Variants in ANK2 observed in about 807,000 individuals in gnomAD.
The protein encoded by ANK2 is ankyrin-2.
Under a neutral mutation model 360.5 loss-of-function variants are expected in ANK2, and 83 were observed. That is an observed-to-expected ratio of 0.23 (90% CI 0.19 to 0.28). The LOEUF (loss-of-function observed/expected upper bound fraction) is 0.28, where lower values mean the gene tolerates loss of function less well. Ranked by LOEUF, ANK2 falls within the 10% of genes least tolerant of loss-of-function variation. The pLI, the probability that ANK2 is intolerant of heterozygous loss-of-function variation, is 1.00. For missense variants in ANK2, 4,201 were observed against 4,795.7 expected (o/e 0.88, Z 3.66); for synonymous variants, 1,740 against 1,759.5 (o/e 0.99, Z 0.28).
chr4:113,291,145 G>A (rs2067338891), intron 20 of ANK2, among the ~76,000 whole-genome samples: 1 of 152,192 alleles, frequency 6.6e-6, no homozygotes, highest in African/African-American at 2.4e-5. Context: ...AGCACATAGT[G>A]TGTGATTAGT....
intron 11 of ANK2, 65 bp downstream of exon 11, chr4:113,255,997 C>T: frequency 1.3e-6 from 2 of 1,541,110 alleles, no homozygotes; most frequent in South Asian, 1.1e-5. Flanking sequence ...CATTCATTGA[C>T]CAACATGCAT....
At chr4:113,004,934 A>G (rs1031196030) in intron 2 of ANK2, among the ~76,000 whole-genome samples, 3 of 152,194 alleles carry the variant, frequency 2.0e-5, no homozygotes, top group Non-Finnish European at 4.4e-5. Flanking sequence ...GTGGCGCATG[A>G]CTGTATTTTA....
chr4:113,377,934 A>G (rs541743379), intron 45 of ANK2, among the ~76,000 whole-genome samples: 4 of 152,378 alleles, frequency 2.6e-5, no homozygotes, highest in South Asian at 4.1e-4. Context: ...GACTTGTTAA[A>G]TAAAACTCCA....
chr4:113,137,092 C>G (rs13134977), intron 1 of ANK2, among the ~76,000 whole-genome samples: 1 of 152,024 alleles, frequency 6.6e-6, no homozygotes, highest in African/African-American at 2.4e-5. Flanking sequence ...CCTTGGCCCC[C>G]CAAAGTGCTG....
chr4:112,706,785 A>C, the ANK2 span: 3 of 152,282 alleles, frequency 2.0e-5, no homozygotes, highest in East Asian at 5.8e-4. Context: ...TAGTACAGAA[A>C]ACATGTGTTC....
At chr4:112,762,787 G>A in the ANK2 span, among the ~76,000 whole-genome samples, 1 of 152,172 alleles carries the variant, frequency 6.6e-6, no homozygotes, top group South Asian at 2.1e-4. Context: ...TGGGATTATG[G>A]GCGTGAGCCA....
At chr4:112,834,222 A>C (rs2060499448) in intron 1 of ANK2, among the ~76,000 whole-genome samples, 1 of 152,236 alleles carries the variant, frequency 6.6e-6, no homozygotes, top group South Asian at 2.1e-4. Context: ...ATTAGATGAT[A>C]TTAAAAATTA....
intron 41 of ANK2, among the ~76,000 whole-genome samples, chr4:113,366,262 C>G (rs2096530651): frequency 6.6e-6 from 1 of 152,022 alleles, no homozygotes; most frequent in African/African-American, 2.4e-5. Flanking sequence ...ATTGTTTCCT[C>G]TTTTTCAAAT....
At chr4:113,104,760 G>A (rs983900263) in intron 1 of ANK2, among the ~76,000 whole-genome samples, 9 of 151,850 alleles carry the variant, frequency 5.9e-5, no homozygotes, top group Non-Finnish European at 1.0e-4. Flanking sequence ...ACAAAAACAT[G>A]TATAACTGGG....
intron 1 of ANK2, chr4:113,117,369 G>T: frequency 2.2e-6 from 1 of 456,144 alleles, no homozygotes. Context: ...GAGAGAGACA[G>T]AAAAAAACAA....
At chr4:112,788,107 T>C in the ANK2 span, 1 of 1,569,702 alleles carries the variant, frequency 6.4e-7, no homozygotes, top group Admixed American at 1.7e-5. Flanking sequence ...TGGCAAGTTC[T>C]TTAGCCTTTG....
chr4:112,878,726 C>T (rs1353425961), intron 1 of ANK2, among the ~76,000 whole-genome samples: 4 of 152,102 alleles, frequency 2.6e-5, no homozygotes, highest in African/African-American at 9.7e-5. Context: ...CTCCGCCTCT[C>T]GTGTTCACGC....
At chr4:113,043,953 T>C (rs564277726) in intron 2 of ANK2, among the ~76,000 whole-genome samples, 1 of 152,290 alleles carries the variant, frequency 6.6e-6, no homozygotes, top group East Asian at 1.9e-4. Flanking sequence ...TCTCCTCATC[T>C]CTTCTGATCT....
At chr4:113,053,497 A>G (rs2068095566) in intron 1 of ANK2, among the ~76,000 whole-genome samples, 1 of 152,160 alleles carries the variant, frequency 6.6e-6, no homozygotes, top group Non-Finnish European at 1.5e-5. Context: ...CTAATTCTCA[A>G]CTGGAATCCA....
intron 42 of ANK2, among the ~76,000 whole-genome samples, chr4:113,368,335 C>A (rs2096610476): frequency 6.6e-6 from 1 of 152,160 alleles, no homozygotes; most frequent in Non-Finnish European, 1.5e-5. Flanking sequence ...GATGTAGATA[C>A]CACAGCCAAT....
intron 26 of ANK2, among the ~76,000 whole-genome samples, chr4:113,323,175 A>G (rs1423111719): frequency 1.3e-5 from 2 of 152,136 alleles, no homozygotes; most frequent in East Asian, 3.9e-4. Context: ...AGCAATCTCC[A>G]AAGCAGGAAA....
chr4:113,252,101 G>A (rs1277831520), intron 10 of ANK2, among the ~76,000 whole-genome samples: 3 of 152,186 alleles, frequency 2.0e-5, no homozygotes, highest in African/African-American at 7.2e-5. Context: ...AGGCTGAGGA[G>A]GCTTCACAAT....
chr4:113,353,537 T>C lies in ANK2; in HGVS notation c.4919T>C (p.Leu1640Pro), dbSNP rs756877855. 2.5e-6 allele frequency: 4 copies of C among 1,613,932 alleles called. No individual in the cohort carries two copies. The African/African-American group carries it at 5.3e-5, about 22-fold the overall frequency. ...GACTCAACTGGGCTAGTGAACTACC[T>C]TACTGATGATCTGAATACCTGTGTG... is the stretch of plus-strand genomic sequence containing the variant. Reference protein sequence around the residue: ...EKDSTGLVNYLTDDLNTCVPL... With the variant: ...EKDSTGLVNYPTDDLNTCVPL... The change falls in exon 38 of 46, where the codon CTT becomes CCT. Residue 1640 changes from leucine to proline, a missense_variant. Around this residue, in one of 4 missense-constraint regions of ANK2, gnomAD observed 1,268 missense variants for 1,650.8 expected, o/e 0.77. Transcript: ENST00000357077.
At chr4:112,760,448 A>G in the ANK2 span, among the ~76,000 whole-genome samples, 1 of 151,634 alleles carries the variant, frequency 6.6e-6, no homozygotes, top group East Asian at 1.9e-4. Context: ...TGGCCTCCCA[A>G]AGTGTTGGAA....
Sources: allele counts gnomAD v4.1 joint callset (sites outside exome capture counted in the v4.1 genomes callset), GRCh38; gene constraint gnomAD v4.1.1; regional missense constraint gnomAD v4.1.1; transcripts MANE v1.5; gene names NCBI Gene and HGNC (gene_info 2026-07-23, HGNC 2026-07-21).